The following CD28 variants were observed in gnomAD, a reference collection of about 807,000 sequenced individuals.
The protein encoded by CD28 is T-cell-specific surface glycoprotein CD28.
Under a neutral mutation model 21.4 loss-of-function variants are expected in CD28, and 8 were observed. The observed-to-expected ratio is 0.37, with a 90% CI of 0.22 to 0.68. The LOEUF (loss-of-function observed/expected upper bound fraction) is 0.68. Ranked by LOEUF, CD28 falls within the 30% of genes least tolerant of loss-of-function variation. The pLI, the probability that CD28 is intolerant of heterozygous loss-of-function variation, is 0.55. For missense variants in CD28, 239 were observed against 272.2 expected (o/e 0.88, Z 0.86); for synonymous variants, 106 against 104.0 (o/e 1.02, Z -0.12).
rs765629224 is a variant in CD28, at chr2:203,729,737, A to G, written c.499A>G (p.Ser167Gly). The G allele has an allele frequency of 1.2e-6, 2 of 1,614,054 alleles. No homozygotes were observed. Among genetic ancestry groups the G allele is most frequent in the Non-Finnish European group, 1.7e-6 (2 of 1,179,982 alleles). The change falls in exon 3 of 4, where the codon AGC (serine) becomes GGC (glycine). Residue 167 changes from serine (S) to glycine (G), a missense_variant. By Grantham distance (56) the Ser-to-Gly change is moderately conservative. Around this residue, in one of 3 missense-constraint regions of CD28, gnomAD observed 112 missense variants for 112.8 expected, o/e 0.99. Transcript: ENST00000324106. ...GGTTGGTGGAGTCCTGGCTTGCTAT[A>G]GCTTGCTAGTAACAGTGGCCTTTAT... is the stretch of plus-strand genomic sequence containing the variant. ...VVVGGVLACY[S>G]LLVTVAFIIF...
At position 203,710,350 on chromosome 2, in the gene CD28, T is replaced by A. The variant is rs184795452; in HGVS notation, c.52+3602T>A. On this transcript the variant is annotated intron_variant, in intron 1 of 3. Transcript: ENST00000324106. Reference sequence around the variant, plus strand: ...TAAGGCAACCATCCAGCAAGGACGTTTACAGCAAGGACTGCAAAATTAATA... The same window carrying A: ...TAAGGCAACCATCCAGCAAGGACGTATACAGCAAGGACTGCAAAATTAATA... Among the ~76,000 whole-genome samples the A allele has an allele frequency of 3.0e-4, 45 of 152,344 alleles. No homozygotes were observed. In the Middle Eastern group the frequency reaches 0.01, roughly 35 times the overall value.
At chr2:203,708,143 T>G (rs1410145318) in intron 1 of CD28, among the ~76,000 whole-genome samples, 1 of 152,220 alleles carries the variant, frequency 6.6e-6, no homozygotes, top group African/African-American at 2.4e-5. Context: ...AAACATTAAG[T>G]GTACATAGCC....
intron 1 of CD28, among the ~76,000 whole-genome samples, chr2:203,709,798 G>GA (rs1693263138): frequency 6.6e-6 from 1 of 152,164 alleles, no homozygotes. Flanking sequence ...AGTGTGAAGA[G>GA]AAAAATCAGC....
At chr2:203,706,800 A>G (rs1252457003) in intron 1 of CD28, 52 bp downstream of exon 1, 3 of 1,364,616 alleles carry the variant, frequency 2.2e-6, no homozygotes, top group Non-Finnish European at 3.1e-6. Context: ...AGGTCTTCCA[A>G]TTGGCTTAGT....
At chr2:203,726,394 T>C (rs1330537107) in intron 1 of CD28, among the ~76,000 whole-genome samples, 1 of 152,190 alleles carries the variant, frequency 6.6e-6, no homozygotes, top group African/African-American at 2.4e-5. Context: ...GAAAGCCATG[T>C]ACTGCCTTCT....
At chr2:203,729,909 T>C (rs1054127511) in intron 3 of CD28, 137 bp downstream of exon 3, 1 of 874,652 alleles carries the variant, frequency 1.1e-6, no homozygotes, top group African/African-American at 1.7e-5. Context: ...CTTGAGTAGG[T>C]TCTCTTTTAG....
intron 2 of CD28, among the ~76,000 whole-genome samples, chr2:203,727,541 G>A (rs1246855680): frequency 6.6e-6 from 1 of 150,728 alleles, no homozygotes; most frequent in Non-Finnish European, 1.5e-5. Flanking sequence ...GTGCAGTGGC[G>A]GGATCTCAGT....
intron 1 of CD28, among the ~76,000 whole-genome samples, chr2:203,707,382 G>T (rs1198060103): frequency 1.3e-5 from 2 of 151,970 alleles, no homozygotes. Context: ...TCATTGTGAG[G>T]TAAAATGAAA....
Position 203,734,915 on chromosome 2 carries a change from C to G in CD28, c.*3C>G, listed in dbSNP as rs201673371. Reference sequence around the variant, plus strand: ...ACTTCGCAGCCTATCGCTCCTGACACGGACGCCTATCCAGAAGCCAGCCGG... The same window carrying G: ...ACTTCGCAGCCTATCGCTCCTGACAGGGACGCCTATCCAGAAGCCAGCCGG... On this transcript the variant is annotated 3_prime_UTR_variant, in exon 4 of 4. Transcript: ENST00000324106. The G allele has an allele frequency of 6.2e-7, 1 of 1,613,684 alleles. No homozygotes were observed. Among genetic ancestry groups the G allele is most frequent in the African/African-American group, 1.3e-5 (1 of 74,946 alleles).
rs1181866715 is a variant in CD28 at position 203,726,968 on chromosome 2, G to A, written c.388G>A (p.Gly130Arg). 6.3e-7 allele frequency: 1 copy of A among 1,597,450 alleles called. No homozygotes were observed. The highest frequency in any genetic ancestry group is 8.6e-7 in the Non-Finnish European group (1 of 1,164,956). Reference protein sequence around the residue: ...PPYLDNEKSNGTIIHVKGKHL... With the variant: ...PPYLDNEKSNRTIIHVKGKHL... ...TTACCTAGACAATGAGAAGAGCAAT[G>A]GAACCATTATCCATGTGAAAGGTAA... The change falls in exon 2 of 4, where the codon GGA becomes AGA. Residue 130 changes from glycine to arginine, a missense_variant. Gly to Arg is a moderately radical substitution (Grantham distance 125, BLOSUM62 -2). This residue lies in a region of CD28 where 23 missense variants were observed against 50.9 expected (regional missense o/e 0.45). Transcript: ENST00000324106.
chr2:203,718,694 C>G (rs184091152), intron 1 of CD28, among the ~76,000 whole-genome samples: 100 of 152,298 alleles, frequency 6.6e-4, no homozygotes, highest in African/African-American at 2.2e-3. Context: ...AGCTCTCTAA[C>G]TGCTTCTTTA....
At chr2:203,710,883 T>G (rs749430422) in intron 1 of CD28, among the ~76,000 whole-genome samples, 4 of 152,222 alleles carry the variant, frequency 2.6e-5, no homozygotes, top group Non-Finnish European at 5.9e-5. Context: ...TTTCTCATGT[T>G]GGTTAAATTT....
chr2:203,707,484 G>C (rs1693191179), intron 1 of CD28, among the ~76,000 whole-genome samples: 1 of 152,174 alleles, frequency 6.6e-6, no homozygotes, highest in Non-Finnish European at 1.5e-5. Context: ...GTTCCAACAT[G>C]AATTCTGGAG....
chr2:203,730,454 T>A (rs1379798878), intron 3 of CD28, among the ~76,000 whole-genome samples: 1 of 152,222 alleles, frequency 6.6e-6, no homozygotes, highest in Non-Finnish European at 1.5e-5. Flanking sequence ...TTTGAACACA[T>A]TTTGATGAAC....
intron 1 of CD28, 87 bp downstream of exon 1, chr2:203,706,835 T>G (rs1297662946): frequency 9.6e-7 from 1 of 1,045,708 alleles, no homozygotes; most frequent in Non-Finnish European, 1.5e-6. Context: ...TAACAATGTG[T>G]GAAATTTGAA....
chr2:203,707,820 C>G (rs1693200736), intron 1 of CD28, among the ~76,000 whole-genome samples: 1 of 152,194 alleles, frequency 6.6e-6, no homozygotes, highest in African/African-American at 2.4e-5. Flanking sequence ...GCTATTCCAT[C>G]TAACATGGTG....
At chr2:203,727,368 C>T (rs921111910) in intron 2 of CD28, among the ~76,000 whole-genome samples, 2 of 152,134 alleles carry the variant, frequency 1.3e-5, no homozygotes, top group Non-Finnish European at 2.9e-5. Context: ...ACTTCTATTT[C>T]TAATTAATTC....
At chr2:203,722,636 G>A (rs2106116729) in intron 1 of CD28, among the ~76,000 whole-genome samples, 1 of 152,334 alleles carries the variant, frequency 6.6e-6, no homozygotes, top group Admixed American at 6.5e-5. Flanking sequence ...TTGGAAACCA[G>A]GGGCCTAAGG....
intron 1 of CD28, among the ~76,000 whole-genome samples, chr2:203,717,428 G>C (rs1343728308): frequency 6.6e-6 from 1 of 152,108 alleles, no homozygotes; most frequent in African/African-American, 2.4e-5. Context: ...GCTGTCCCCT[G>C]GTCTCTTTCG....
Sources: allele counts gnomAD v4.1 joint callset (sites outside exome capture counted in the v4.1 genomes callset), GRCh38; gene constraint gnomAD v4.1.1; regional missense constraint gnomAD v4.1.1; transcripts MANE v1.5; gene names NCBI Gene and HGNC (gene_info 2026-07-23, HGNC 2026-07-21).